RGL3: variants seen among roughly 807,000 people sequenced by gnomAD.
The protein encoded by RGL3 is ral guanine nucleotide dissociation stimulator-like 3.
RGL3 carries 85 observed loss-of-function variants against 90.6 expected under a neutral mutation model. That is an observed-to-expected ratio of 0.94 (90% CI 0.79 to 1.12). RGL3 has a LOEUF of 1.12. RGL3 is among the 50% of genes most tolerant of loss of function. The pLI is 0.00. For synonymous variants in RGL3, 408 were observed against 385.5 expected (o/e 1.06, Z -0.68); for missense variants, 1,034 against 939.2 (o/e 1.10, Z -1.32).
Position 11,406,620 on chromosome 19 carries a change from C to T in RGL3, c.795G>A (p.Lys265=). The change falls in exon 7 of 19, where the codon AAG becomes AAA. Residue 265 remains lysine, a synonymous_variant. Transcript: ENST00000380456. ...LTLIDLELFS[K]VRLYECLGSV... ...AGCCCAAGCACTCGTAGAGCCTCAC[C>T]TTGGAGAAGAGCTCCTGGGCCAGGG... 1.3e-6 allele frequency: 2 copies of T among 1,558,836 alleles called. No individual in the cohort carries two copies. The highest frequency in any genetic ancestry group is 1.7e-6 in the Non-Finnish European group (2 of 1,151,298).
chr19:11,400,236 G>T lies in RGL3; in HGVS notation c.1546C>A (p.Arg516=). 1 of 1,598,364 alleles carries T rather than the reference G, an allele frequency of 6.3e-7. No homozygotes were observed. The highest frequency in any genetic ancestry group is 8.5e-7 in the Non-Finnish European group (1 of 1,171,906). Residue 516 remains arginine (R), a synonymous_variant, in exon 14 of 19, where the codon CGA becomes AGA. Transcript: ENST00000380456. Reference sequence around the variant, plus strand: ...CGCTTGGTGAGGCTGATCCGCCGTCGGATGCGTGGGGAGCTGGGGCAGGAG... The same window carrying T: ...CGCTTGGTGAGGCTGATCCGCCGTCTGATGCGTGGGGAGCTGGGGCAGGAG... The part of the protein sequence containing the change: ...AASCPSSPRI[R]RRISLTKRLS...
chr19:11,398,259 C>T (rs1228290399), intron 16 of RGL3, among the ~76,000 whole-genome samples: 6 of 152,174 alleles, frequency 3.9e-5, no homozygotes, highest in Admixed American at 3.9e-4. Context: ...TATACACCCA[C>T]AGCCCATGCC....
At chr19:11,394,814 G>C (rs1358554760) in intron 18 of RGL3, 4 of 334,116 alleles carry the variant, frequency 1.2e-5, no homozygotes, top group African/African-American at 8.6e-5. Context: ...AACTGGCCGG[G>C]CGCGATGCCT....
At chr19:11,414,167 A>ATATATATATACCTT (rs1968924921) in intron 5 of RGL3, among the ~76,000 whole-genome samples, 8 of 110,982 alleles carry the variant, frequency 7.2e-5, no homozygotes, top group African/African-American at 3.3e-4. Flanking sequence ...ATATATATAT[A>ATATATATATACCTT]TATATATATA....
At chr19:11,396,152 A>ATTTT in intron 18 of RGL3, among the ~76,000 whole-genome samples, 1 of 66,916 alleles carries the variant, frequency 1.5e-5, no homozygotes, top group Non-Finnish European at 2.7e-5. Context: ...ATATATATAT[A>ATTTT]TATATATTTT....
chr19:11,400,391 T>C lies in RGL3; in HGVS notation c.1485-94A>G, dbSNP rs1445678699. On this transcript the variant is annotated intron_variant, in intron 13 of 18. Transcript: ENST00000380456. ...AATCAGTTGGGAGGTGGGTTTGGGGTGTAAGGGGGAGCAGCCAGAGGTGGC... is the reference window on the plus strand; with the variant it reads ...AATCAGTTGGGAGGTGGGTTTGGGGCGTAAGGGGGAGCAGCCAGAGGTGGC... The C allele has an allele frequency of 3.9e-5, 43 of 1,108,468 alleles. 1 individual carries two copies. In the South Asian group the frequency reaches 5.4e-4, roughly 14 times the overall value. The allele number at this position is 1,108,468 out of a possible 1,614,324, so 68.7% of individuals were successfully genotyped here.
Position 11,394,520 on chromosome 19 carries a change from A to T in RGL3, c.2015T>A (p.Val672Glu), listed in dbSNP as rs770485490. Residue 672 changes from valine (V) to glutamate (E), a missense_variant and splice_region_variant, in exon 19 of 19, where the codon GTG becomes GAG. By Grantham distance (121) the Val-to-Glu change is moderately radical (BLOSUM62 -2). Coordinates refer to ENST00000380456, the MANE Select transcript of RGL3 (RefSeq NM_001035223.4). ...QLFQVLPGDRVLLIPDNANVF... is the reference protein window; with the variant it reads ...QLFQVLPGDRELLIPDNANVF... ...GTTGGCATTGTCAGGAATCAGGAGC[A>T]CTGGTCAGGAGTGGAGATGGTGGTA... 6.8e-6 allele frequency: 11 copies of T among 1,610,982 alleles called. No individual in the cohort carries two copies. In the East Asian group the frequency reaches 2.2e-4, roughly 33 times the overall value.
In RGL3 at chr19:11,402,211, T is replaced by C; in HGVS notation, c.1362+4A>G. The C allele has an allele frequency of 6.6e-7, 1 of 1,507,830 alleles. No homozygotes were observed. The highest frequency in any genetic ancestry group is 1.7e-5 in the Admixed American group (1 of 57,884). 93.4% of individuals were successfully genotyped at this position (1,507,830 alleles called of 1,614,324 possible). ...CCACCACACCCACTGTAGCCTCCAC[T>C]CACCTTCCTCCTCTTCTCAAAGTTA... On this transcript the variant is annotated splice_donor_region_variant and intron_variant, in intron 12 of 18. Transcript: ENST00000380456.
chr19:11,395,860 T>G (rs995776044), intron 18 of RGL3, among the ~76,000 whole-genome samples: 22 of 150,640 alleles, frequency 1.5e-4, no homozygotes, highest in Non-Finnish European at 3.0e-4. Flanking sequence ...ATCTCTTGAC[T>G]TCGTGATCCA....
intron 12 of RGL3, 32 bp from the exon 13 acceptor site, chr19:11,402,164 G>GC: frequency 5.7e-6 from 9 of 1,585,714 alleles, no homozygotes; most frequent in Admixed American, 1.7e-5. Flanking sequence ...CCCTACCCCT[G>GC]CCCCACCCCC....
chr19:11,394,429 C>T lies in RGL3; in HGVS notation c.2106G>A (p.Arg702=). Residue 702 remains arginine, a synonymous_variant, in exon 19 of 19, where the codon CGG becomes CGA. Coordinates refer to ENST00000380456, the MANE Select transcript of RGL3 (RefSeq NM_001035223.4). ...DFMLRRKEGT[R]NTLSVSPS ...AGCTTGGGGAGACAGACAGAGTGTTCCGGGTCCCCTCTTTCCGCCGCAGCA... is the reference window on the plus strand; with the variant it reads ...AGCTTGGGGAGACAGACAGAGTGTTTCGGGTCCCCTCTTTCCGCCGCAGCA... The T allele has an allele frequency of 6.2e-7, 1 of 1,613,842 alleles. No homozygotes were observed. Among genetic ancestry groups the T allele is most frequent in the Non-Finnish European group, 8.5e-7 (1 of 1,179,922 alleles).
At position 11,397,299 on chromosome 19, in the gene RGL3, C is replaced by T. The variant is rs750015782; in HGVS notation, c.1959G>A (p.Val653=). 105 of 1,612,784 alleles carry T rather than the reference C, an allele frequency of 6.5e-5. 1 individual carries two copies. In the East Asian group the frequency reaches 2.3e-3, roughly 36 times the overall value. The change falls in exon 18 of 19, where the codon GTG becomes GTA. Residue 653 remains valine, a synonymous_variant. Transcript: ENST00000380456. ...VVRRALQKHN[V]PQPWACDYQL... ...GATAGTCACAGGCCCAGGGCTGGGG[C>T]ACATTGTGCTTCTGCAAGGCTCGCC...
chr19:11,405,321 A>G lies in RGL3; in HGVS notation c.1100+2T>C. On this transcript the variant is annotated splice_donor_variant, in intron 8 of 18. Coordinates refer to ENST00000380456, the MANE Select transcript of RGL3 (RefSeq NM_001035223.4). LOFTEE classifies it high-confidence loss of function. ...TGGGGAACAGGTCCCGCCCCAGCTC[A>G]CCGGCTCACTGCCCCCCAGCTGCGC... The G allele has an allele frequency of 6.2e-7, 1 of 1,613,350 alleles. No individual in the cohort carries two copies. Among genetic ancestry groups the G allele is most frequent in the Non-Finnish European group, 8.5e-7 (1 of 1,179,668 alleles).
intron 11 of RGL3, 77 bp from the exon 12 acceptor site, chr19:11,402,324 G>C: frequency 6.3e-7 from 1 of 1,596,188 alleles, no homozygotes. Flanking sequence ...GGGATGTCAG[G>C]AGCCCCACTG....
In RGL3 at chr19:11,416,020, G is replaced by T. The variant is rs1968987648; in HGVS notation, c.554C>A (p.Ala185Asp). ...TTCCAGAAGCTTCTCTGCTTTTTGA[G>T]CCTCAGCACTCCCTGGGGCCGCCCA... ...LGWAAPGSAE[A>D]QKAEKLLEDF... The change falls in exon 5 of 19, where the codon GCT (alanine) becomes GAT (aspartate). Residue 185 changes from alanine to aspartate, a missense_variant. Physicochemically the swap from Ala to Asp is moderately radical, Grantham distance 126. Coordinates refer to ENST00000380456, the MANE Select transcript of RGL3 (RefSeq NM_001035223.4). 6.2e-7 allele frequency: 1 copy of T among 1,613,818 alleles called. No homozygotes were observed. Among genetic ancestry groups the T allele is most frequent in the Admixed American group, 1.7e-5 (1 of 59,954 alleles).
At chr19:11,416,192 G>A (rs1252106989) in intron 4 of RGL3, 44 bp from the exon 5 acceptor site, 9 of 1,366,628 alleles carry the variant, frequency 6.6e-6, no homozygotes, top group African/African-American at 1.5e-5. Flanking sequence ...CAGAGTGGGG[G>A]ACATAGAATA....
rs555374833 is a variant in RGL3 at position 11,404,605 on chromosome 19, T to G, written c.1185+542A>C. The stretch of plus-strand genomic sequence containing the variant: ...CAACAAAAAACCAGATGTGTGGTTT[T>G]GGGGATGATGGAGGCTGGGAAGGCC... On this transcript the variant is annotated intron_variant, in intron 9 of 18. Transcript: ENST00000380456. 3.9e-5 allele frequency among the ~76,000 whole-genome samples: 6 copies of G among 152,152 alleles called. No individual in the cohort carries two copies. In the East Asian group the frequency reaches 1.2e-3, roughly 29 times the overall value.
chr19:11,406,922 C>A (rs1968794613), intron 5 of RGL3, 58 bp from the exon 6 acceptor site: 1 of 1,542,478 alleles, frequency 6.5e-7, no homozygotes, highest in Admixed American at 1.8e-5. Context: ...GGCTGTGTGA[C>A]CTTGGGTGAG....
chr19:11,400,319 G>A lies in RGL3; in HGVS notation c.1485-22C>T, dbSNP rs760528569. 4.5e-6 allele frequency: 7 copies of A among 1,546,974 alleles called. 1 individual carries two copies. Among genetic ancestry groups the A allele is most frequent in the Non-Finnish European group, 4.4e-6 (5 of 1,144,248 alleles). On this transcript the variant is annotated intron_variant, in intron 13 of 18. Transcript: ENST00000380456. ...GTAGCTGAGGGGTCAATATGTGGAT[G>A]AGGTGGTGGGGGCAGGAAATACAGG...
Sources: gnomAD v4.1 joint callset for allele counts (sites outside exome capture counted in the v4.1 genomes callset) on GRCh38, gnomAD v4.1.1 for gene constraint, MANE v1.5 for transcripts, NCBI Gene and HGNC (gene_info 2026-07-23, HGNC 2026-07-21) for gene names.